ATP13A4: variants seen among roughly 807,000 people sequenced by gnomAD.
The protein encoded by ATP13A4 is probable cation-transporting ATPase 13A4.
In ATP13A4, 114 loss-of-function variants were observed where a neutral mutation model predicts 142.5. The observed-to-expected ratio is 0.80, with a 90% confidence interval of 0.69 to 0.93. The LOEUF (loss-of-function observed/expected upper bound fraction) is 0.93, where lower values mean the gene tolerates loss of function less well. Among genes scored for constraint, ATP13A4 ranks in the 40% least tolerant of loss-of-function variants. The pLI, the probability that ATP13A4 is intolerant of heterozygous loss-of-function variation, is 0.00. For missense variants in ATP13A4, 1,392 were observed against 1,454.0 expected (o/e 0.96, Z 0.69); for synonymous variants, 488 against 514.8 (o/e 0.95, Z 0.70).
chr3:193,512,319 C>G (rs1338368070), intron 2 of ATP13A4, among the ~76,000 whole-genome samples: 1 of 152,196 alleles, frequency 6.6e-6, no homozygotes, highest in Non-Finnish European at 1.5e-5. Context: ...CACCCCTGCT[C>G]TGAGCCCCAG....
chr3:193,545,877 A>G (rs1723190600), intron 1 of ATP13A4, among the ~76,000 whole-genome samples: 1 of 151,854 alleles, frequency 6.6e-6, no homozygotes, highest in African/African-American at 2.4e-5. Context: ...TCTTTCCTTG[A>G]CCAAAAAATT....
intron 1 of ATP13A4, among the ~76,000 whole-genome samples, chr3:193,537,758 C>T (rs1722664156): frequency 6.6e-6 from 1 of 152,134 alleles, no homozygotes; most frequent in Non-Finnish European, 1.5e-5. Context: ...CCATGGAATA[C>T]TACTCAGGAA....
chr3:193,455,289 C>G (rs1302918506), intron 16 of ATP13A4, among the ~76,000 whole-genome samples: 2 of 146,492 alleles, frequency 1.4e-5, no homozygotes, highest in East Asian at 4.0e-4. Context: ...TGCAGTGAGC[C>G]GAGATTGCGC....
intron 9 of ATP13A4, among the ~76,000 whole-genome samples, chr3:193,469,143 G>A (rs1269753357): frequency 6.6e-6 from 1 of 152,222 alleles, no homozygotes; most frequent in Non-Finnish European, 1.5e-5. Context: ...CAAGGATGTA[G>A]CCATGAGCAG....
chr3:193,517,435 C>A (rs770389882), intron 1 of ATP13A4, among the ~76,000 whole-genome samples: 2 of 152,104 alleles, frequency 1.3e-5, no homozygotes, highest in African/African-American at 4.8e-5. Context: ...GGGTGTGAAG[C>A]GAATGCTTCA....
intron 2 of ATP13A4, among the ~76,000 whole-genome samples, chr3:193,571,788 C>G (rs7638192): frequency 5.9e-5 from 9 of 151,850 alleles, no homozygotes; most frequent in Admixed American, 3.3e-4. Context: ...GGAGACATAA[C>G]GCATCAATCT....
intron 26 of ATP13A4, among the ~76,000 whole-genome samples, chr3:193,414,199 C>T (rs1362935879): frequency 6.6e-6 from 1 of 152,186 alleles, no homozygotes; most frequent in African/African-American, 2.4e-5. Flanking sequence ...GAATATATAA[C>T]TTAACTAACA....
At chr3:193,453,805 G>C (rs1717419765) in intron 17 of ATP13A4, among the ~76,000 whole-genome samples, 1 of 152,014 alleles carries the variant, frequency 6.6e-6, no homozygotes, top group South Asian at 2.1e-4. Flanking sequence ...ATATTTCTAT[G>C]TCTGTTTTCA....
At chr3:193,500,830 T>A (rs1440883962) in intron 3 of ATP13A4, among the ~76,000 whole-genome samples, 3 of 152,208 alleles carry the variant, frequency 2.0e-5, no homozygotes, top group African/African-American at 7.2e-5. Flanking sequence ...TGACAGCTCC[T>A]CTGACTTTAA....
upstream of ATP13A4, among the ~76,000 whole-genome samples, chr3:193,558,294 C>T (rs1377526269): frequency 1.3e-5 from 2 of 152,174 alleles, no homozygotes; most frequent in Non-Finnish European, 2.9e-5. Flanking sequence ...CTTAATTGTG[C>T]CTGTTCAATA....
At chr3:193,492,217 C>T (rs1392568260) in intron 5 of ATP13A4, among the ~76,000 whole-genome samples, 2 of 152,140 alleles carry the variant, frequency 1.3e-5, no homozygotes. Flanking sequence ...CTAGGCTGTA[C>T]ATCTCTTCAA....
chr3:193,404,584 T>G lies in ATP13A4; in HGVS notation c.3379-1720A>C, dbSNP rs180952406. Reference sequence around the variant, plus strand: ...TGATAGTGAGTGAGTTCTCATGAGATCTGATTGTTTAAAAGTGTGTAGCAC... The same window carrying G: ...TGATAGTGAGTGAGTTCTCATGAGAGCTGATTGTTTAAAAGTGTGTAGCAC... On this transcript the variant is annotated intron_variant, in intron 29 of 29. Coordinates refer to ENST00000342695, the MANE Select transcript of ATP13A4 (RefSeq NM_032279.4). 5.6e-4 allele frequency among the ~76,000 whole-genome samples: 86 copies of G among 152,226 alleles called. 1 individual carries two copies. The highest frequency in any genetic ancestry group is 2.0e-3 in the Admixed American group (31 of 15,290).
chr3:193,562,586 G>T (rs1577082123), intron 2 of ATP13A4, among the ~76,000 whole-genome samples: 1 of 152,256 alleles, frequency 6.6e-6, no homozygotes, highest in Non-Finnish European at 1.5e-5. Context: ...GAATCATACT[G>T]GTCAGCTGGG....
At chr3:193,462,422 TCC>T (rs1718005615) in intron 13 of ATP13A4, among the ~76,000 whole-genome samples, 1 of 152,014 alleles carries the variant, frequency 6.6e-6, no homozygotes, top group East Asian at 1.9e-4. Context: ...GAATGTTACC[TCC>T]TTAAAGGACA....
At chr3:193,500,756 C>A (rs1720498150) in intron 3 of ATP13A4, among the ~76,000 whole-genome samples, 1 of 152,150 alleles carries the variant, frequency 6.6e-6, no homozygotes, top group Admixed American at 6.5e-5. Flanking sequence ...GGGACCCCTC[C>A]TTTAAATGCC....
chr3:193,485,577 GAAATACGATTATC>G lies in ATP13A4; in HGVS notation c.739-1585_739-1573del, dbSNP rs201803095. ...AATCCAATTGTCGGAAATAAAAAAAGAAATACGATTATCAAAGTATTAAAATCAATTGACATAG... is the reference window on the plus strand; with the variant it reads ...AATCCAATTGTCGGAAATAAAAAAAGAAAGTATTAAAATCAATTGACATAG... On this transcript the variant is annotated intron_variant, in intron 7 of 29. Transcript: ENST00000342695. Among the ~76,000 whole-genome samples, 616 of 152,224 alleles carry G rather than the reference GAAATACGATTATC, an allele frequency of 4.0e-3. 13 individuals are homozygous for G. The highest frequency in any genetic ancestry group is 0.034 in the Admixed American group (526 of 15,290).
intron 1 of ATP13A4, among the ~76,000 whole-genome samples, chr3:193,534,634 C>A (rs34094833): frequency 0.13 from 20,487 of 152,032 alleles, 1,496 homozygotes; most frequent in Non-Finnish European, 0.16. Context: ...AGAAAACAAT[C>A]AGCAAAATGA....
upstream of ATP13A4, among the ~76,000 whole-genome samples, chr3:193,559,163 C>T (rs1238758285): frequency 2.0e-5 from 3 of 152,156 alleles, no homozygotes; most frequent in South Asian, 2.1e-4. Flanking sequence ...GAACTCACAG[C>T]ATATTACAAA....
At chr3:193,502,895 C>A (rs111561857) in intron 2 of ATP13A4, among the ~76,000 whole-genome samples, 1 of 152,144 alleles carries the variant, frequency 6.6e-6, no homozygotes, top group African/African-American at 2.4e-5. Context: ...GAGGCTCATT[C>A]GCAGGTAAGA....
Sources: allele counts gnomAD v4.1 joint callset (sites outside exome capture counted in the v4.1 genomes callset), GRCh38; gene constraint gnomAD v4.1.1; transcripts MANE v1.5; gene names NCBI Gene and HGNC (gene_info 2026-07-23, HGNC 2026-07-21).